RIPOR3: variants seen among roughly 807,000 people sequenced by gnomAD.
RIPOR3 encodes the protein RIPOR family member 3, also known as family with sequence similarity 65 member C.
A neutral mutation model predicts 114.3 loss-of-function variants in RIPOR3; 95 were observed. The observed-to-expected ratio is 0.83, with a 90% CI of 0.70 to 0.99. The LOEUF is 0.99. Ranked by LOEUF, RIPOR3 falls within the 50% of genes least tolerant of loss-of-function variation. The pLI is 0.00. For missense variants in RIPOR3, 1,252 were observed against 1,266.9 expected, an observed-to-expected ratio of 0.99 and a Z score of 0.18; for synonymous variants, 575 against 543.8, an observed-to-expected ratio of 1.06 and a Z score of -0.80.
At chr20:50,655,330 A>G (rs1600696550) in intron 1 of RIPOR3, among the ~76,000 whole-genome samples, 1 of 152,194 alleles carries the variant, frequency 6.6e-6, no homozygotes, top group African/African-American at 2.4e-5. Flanking sequence ...CGGGGTGGGA[A>G]TAGGGTTCCC....
rs1037226558 is a variant in RIPOR3 at position 50,595,085 on chromosome 20, C to G, written c.2050+284G>C. On this transcript the variant is annotated intron_variant, in intron 16 of 21. Transcript: ENST00000327979. ...GGCCTGGGGTTACCTCACTGAACCC[C>G]GTGCAGTGCCCTCCTCCTATGCAGA... The G allele has an allele frequency of 1.2e-5, 6 of 504,496 alleles. No homozygotes were observed. In the East Asian group the frequency reaches 2.0e-4, roughly 17 times the overall value. 31.3% of individuals were successfully genotyped at this position (504,496 alleles called of 1,614,324 possible).
intron 1 of RIPOR3, among the ~76,000 whole-genome samples, chr20:50,649,879 G>C (rs1008186084): frequency 1.3e-5 from 2 of 152,208 alleles, no homozygotes; most frequent in South Asian, 2.1e-4. Context: ...CTGGCCTGGG[G>C]TCAAAAGATC....
At chr20:50,680,577 G>A (rs1298540076) in intron 1 of RIPOR3, among the ~76,000 whole-genome samples, 2 of 152,144 alleles carry the variant, frequency 1.3e-5, no homozygotes, top group Non-Finnish European at 1.5e-5. Context: ...GACGTGTCGT[G>A]TGCAGCCGCC....
intron 1 of RIPOR3, among the ~76,000 whole-genome samples, chr20:50,679,956 CAAAACAAACAGA>C (rs1393534203): frequency 6.6e-6 from 1 of 152,102 alleles, no homozygotes; most frequent in Non-Finnish European, 1.5e-5. Flanking sequence ...GATCCTGTCT[CAAAACAAACAGA>C]CAAACAAACA....
At chr20:50,648,744 A>T (rs921026713) in intron 1 of RIPOR3, among the ~76,000 whole-genome samples, 20 of 152,074 alleles carry the variant, frequency 1.3e-4, no homozygotes, top group African/African-American at 4.8e-4. Context: ...CATAAGGAGC[A>T]TGCAGCCGAG....
chr20:50,590,648 G>A (rs759151728), intron 19 of RIPOR3, among the ~76,000 whole-genome samples: 3 of 152,138 alleles, frequency 2.0e-5, no homozygotes, highest in East Asian at 1.9e-4. Context: ...AGGCCACATC[G>A]GTGTGGAAAT....
chr20:50,592,918 C>G, intron 18 of RIPOR3, 117 bp downstream of exon 18: 1 of 1,344,436 alleles, frequency 7.4e-7, no homozygotes, highest in Non-Finnish European at 1.0e-6. Context: ...TCGGGGTTCC[C>G]AAAAGAACAG....
At chr20:50,657,816 C>G (rs186202720) in intron 1 of RIPOR3, among the ~76,000 whole-genome samples, 1 of 140,066 alleles carries the variant, frequency 7.1e-6, no homozygotes, top group Non-Finnish European at 1.5e-5. Context: ...TGCAGTGATG[C>G]GATCATACCT....
chr20:50,685,117 G>T (rs1327851340), intron 1 of RIPOR3, among the ~76,000 whole-genome samples: 1 of 152,050 alleles, frequency 6.6e-6, no homozygotes, highest in Non-Finnish European at 1.5e-5. Context: ...GAGAGGCTGG[G>T]CTCTATTTAA....
At chr20:50,649,036 C>T (rs1255941967) in intron 1 of RIPOR3, among the ~76,000 whole-genome samples, 1 of 152,200 alleles carries the variant, frequency 6.6e-6, no homozygotes, top group African/African-American at 2.4e-5. Context: ...GCTACCAATC[C>T]TTGGCATTTC....
intron 1 of RIPOR3, among the ~76,000 whole-genome samples, chr20:50,674,684 C>T (rs1265396513): frequency 2.0e-5 from 3 of 150,674 alleles, no homozygotes; most frequent in Admixed American, 6.7e-5. Flanking sequence ...CAGTGGTTCA[C>T]ACTTGTAATC....
chr20:50,595,656 G>A (rs1232458535), intron 15 of RIPOR3, 152 bp from the exon 16 acceptor site: 12 of 1,190,702 alleles, frequency 1.0e-5, no homozygotes, highest in South Asian at 1.5e-5. Flanking sequence ...TCACCAAGGT[G>A]GCTGAGCTAA....
intron 1 of RIPOR3, among the ~76,000 whole-genome samples, chr20:50,677,301 T>C (rs1049318439): frequency 1.3e-4 from 19 of 151,924 alleles, no homozygotes; most frequent in Non-Finnish European, 8.8e-5. Flanking sequence ...TTGCATTACG[T>C]CTCTGAGACT....
chr20:50,599,902 A>AT (rs2083436252), intron 13 of RIPOR3, among the ~76,000 whole-genome samples: 1 of 145,070 alleles, frequency 6.9e-6, no homozygotes, highest in African/African-American at 2.8e-5. Context: ...TCACACACAC[A>AT]CTTTTTTTTC....
Position 50,589,713 on chromosome 20 carries a change from G to A in RIPOR3, c.2634C>T (p.Ala878=), listed in dbSNP as rs183977103. The A allele has an allele frequency of 9.3e-6, 15 of 1,613,878 alleles. No homozygotes were observed. In the Admixed American group the frequency reaches 1.2e-4, roughly 13 times the overall value. ...TGAGGTGTTTGAGCGCTAGGCATGC[G>A]GCCTGCTGGAGCCTTGCGTCGTTCT... ...LAENDARLQQ[A]ACLALKHLKG... Residue 878 remains alanine (A), a synonymous_variant, in exon 20 of 22, where the codon GCC becomes GCT. Coordinates refer to ENST00000327979, the MANE Select transcript of RIPOR3 (RefSeq NM_001290268.2).
rs2086780185 is a variant in RIPOR3 at position 50,679,215 on chromosome 20, AAATATATATAT to A, written c.3+11900_3+11910del. On this transcript the variant is annotated intron_variant, in intron 1 of 21. Transcript: ENST00000327979. ...TATTTTAAAATATATATACCTCAAA[AAATATATATAT>A]AATATTTAAAAATATATAAAATGAG... Among the ~76,000 whole-genome samples, 9 of 145,974 alleles carry A rather than the reference AAATATATATAT, an allele frequency of 6.2e-5. 1 individual carries two copies. Among genetic ancestry groups the A allele is most frequent in the African/African-American group, 2.2e-4 (9 of 40,274 alleles).
intron 12 of RIPOR3, among the ~76,000 whole-genome samples, chr20:50,603,108 A>T (rs1288713943): frequency 6.6e-6 from 1 of 152,126 alleles, no homozygotes; most frequent in Non-Finnish European, 1.5e-5. Flanking sequence ...TGTCTCCCAC[A>T]GTCCTTATGC....
intron 1 of RIPOR3, among the ~76,000 whole-genome samples, chr20:50,679,517 G>A (rs1328843102): frequency 6.6e-6 from 1 of 150,616 alleles, no homozygotes; most frequent in South Asian, 2.1e-4. Context: ...CAGCACTTTG[G>A]GAGGCTGAGG....
chr20:50,589,833 C>A, intron 19 of RIPOR3, 64 bp from the exon 20 acceptor site: 1 of 1,467,810 alleles, frequency 6.8e-7, no homozygotes, highest in South Asian at 1.2e-5. Flanking sequence ...GGTTCCGGGT[C>A]CATCAGCCAC....
Sources: gnomAD v4.1 joint callset for allele counts (sites outside exome capture counted in the v4.1 genomes callset) on GRCh38, gnomAD v4.1.1 for gene constraint, MANE v1.5 for transcripts, NCBI Gene and HGNC (gene_info 2026-07-23, HGNC 2026-07-21) for gene names.